Variants in ZNF844 observed in about 807,000 individuals in gnomAD.
ZNF844 encodes the protein zinc finger protein 844.
A neutral mutation model predicts 11.4 loss-of-function variants in ZNF844; 11 were observed. That is an observed-to-expected ratio of 0.97 (90% CI 0.61 to 1.60). The LOEUF (loss-of-function observed/expected upper bound fraction) is 1.60, where lower values mean the gene tolerates loss of function less well. Ranked by LOEUF, ZNF844 falls within the 40% of genes most tolerant of loss-of-function variation. The pLI, the probability that ZNF844 is intolerant of heterozygous loss-of-function variation, is 0.00. For missense variants in ZNF844, 790 were observed against 796.8 expected (o/e 0.99, Z 0.10); for synonymous variants, 248 against 260.3 (o/e 0.95, Z 0.46).
intron 1 of ZNF844, among the ~76,000 whole-genome samples, chr19:12,069,179 C>CTTTTTTTTTTT (rs748342323): frequency 8.3e-6 from 1 of 120,866 alleles, no homozygotes; most frequent in African/African-American, 3.4e-5. Context: ...TCTTTTATTC[C>CTTTTTTTTTTT]TTTTTTTTTT....
In ZNF844 at chr19:12,064,846, G is replaced by T; in HGVS notation, c.-28G>T. ...TGTCGTCTGTGTTGTGACTGCTTTGGACGTGGGAGTCACCTGAAAGCCAGG... is the reference window on the plus strand; with the variant it reads ...TGTCGTCTGTGTTGTGACTGCTTTGTACGTGGGAGTCACCTGAAAGCCAGG... On this transcript the variant is annotated 5_prime_UTR_variant, in exon 1 of 4. Transcript: ENST00000439326. 2 of 1,549,526 alleles carry T rather than the reference G, an allele frequency of 1.3e-6. No individual in the cohort carries two copies. Among genetic ancestry groups the T allele is most frequent in the Non-Finnish European group, 1.7e-6 (2 of 1,146,376 alleles).
chr19:12,067,368 T>C (rs890792861), intron 1 of ZNF844, among the ~76,000 whole-genome samples: 1 of 151,740 alleles, frequency 6.6e-6, no homozygotes, highest in Admixed American at 6.6e-5. Context: ...TCCCAGCGCT[T>C]TGGGAGGCCG....
At position 12,080,482 on chromosome 19, in the gene ZNF844, T is replaced by C. The variant is rs1224641117; in HGVS notation, c.*3361T>C. The C allele has an allele frequency of 7.8e-6, 2 of 257,376 alleles. No individual in the cohort carries two copies. Among genetic ancestry groups the C allele is most frequent in the Admixed American group, 1.1e-4 (2 of 18,196 alleles). 15.9% of individuals were successfully genotyped at this position (257,376 alleles called of 1,614,324 possible). On this transcript the variant is annotated 3_prime_UTR_variant, in exon 4 of 4. Coordinates refer to ENST00000439326, the MANE Select transcript of ZNF844 (RefSeq NM_001136501.3). ...AAGGCAGACAAGAGGAAGTCATCAGTCACATTTTAGAGGCACCAAACAGGT... is the reference window on the plus strand; with the variant it reads ...AAGGCAGACAAGAGGAAGTCATCAGCCACATTTTAGAGGCACCAAACAGGT...
rs1476902820 is a variant in ZNF844 at position 12,076,441 on chromosome 19, C to T, written c.1321C>T (p.Leu441Phe). 2 of 1,613,978 alleles carry T rather than the reference C, an allele frequency of 1.2e-6. No homozygotes were observed. The highest frequency in any genetic ancestry group is 1.7e-6 in the Non-Finnish European group (2 of 1,179,990). ...LPLPFDIMKG[L>F]TLERNRMSVS... Reference sequence around the variant, plus strand: ...ACTTCCTTTCGATATCATGAAAGGACTCACACTGGAGAGAAACCGTATGAG... The same window carrying T: ...ACTTCCTTTCGATATCATGAAAGGATTCACACTGGAGAGAAACCGTATGAG... Residue 441 changes from leucine to phenylalanine, a missense_variant, in exon 4 of 4, where the codon CTC (leucine) becomes TTC (phenylalanine). Physicochemically the swap from Leu to Phe is conservative, Grantham distance 22. Around this residue, in one of 3 missense-constraint regions of ZNF844, gnomAD observed 657 missense variants for 636.2 expected, o/e 1.03. Coordinates refer to ENST00000439326, the MANE Select transcript of ZNF844 (RefSeq NM_001136501.3).
Position 12,076,956 on chromosome 19 carries a change from C to A in ZNF844, c.1836C>A (p.Asn612Lys), listed in dbSNP as rs760868590. Residue 612 changes from asparagine to lysine, a missense_variant, in exon 4 of 4, where the codon AAC becomes AAA. Asn to Lys is a moderately conservative substitution (Grantham distance 94). Coordinates refer to ENST00000439326, the MANE Select transcript of ZNF844 (RefSeq NM_001136501.3). ...TGCAAGAACACACCCTGGAGAGAAA[C>A]CCTATGAATGTAAGGAATGCGGAAA... ...EYMQEHTLER[N>K]PMNVRNAEKR... 4 of 1,602,812 alleles carry A rather than the reference C, an allele frequency of 2.5e-6. No individual in the cohort carries two copies. Among genetic ancestry groups the A allele is most frequent in the Admixed American group, 1.7e-5 (1 of 58,960 alleles).
At chr19:12,073,776 G>A (rs753546764) in intron 1 of ZNF844, among the ~76,000 whole-genome samples, 23 of 152,112 alleles carry the variant, frequency 1.5e-4, no homozygotes, top group South Asian at 4.1e-4. Context: ...CCCAGGCAGC[G>A]CACCTTTCTC....
rs929724954 is a variant in ZNF844, at chr19:12,080,827, C to T, written c.*3706C>T. ...GGAGTAGAGTGGCATTATCCTGGCT[C>T]ATTGCAATCTGGGCCTCCTGGTTTC... On this transcript the variant is annotated 3_prime_UTR_variant, in exon 4 of 4. Coordinates refer to ENST00000439326, the MANE Select transcript of ZNF844 (RefSeq NM_001136501.3). 4 of 152,204 alleles carry T rather than the reference C, an allele frequency of 2.6e-5. No individual in the cohort carries two copies. The highest frequency in any genetic ancestry group is 4.4e-5 in the Non-Finnish European group (3 of 68,144). The allele number at this position is 152,204 out of a possible 1,614,324, so 9.4% of individuals were successfully genotyped here.
intron 1 of ZNF844, chr19:12,070,284 AAG>A (rs1179912035): frequency 6.6e-6 from 1 of 152,168 alleles, no homozygotes; most frequent in Non-Finnish European, 1.5e-5. Context: ...AAAACAAAAA[AAG>A]AAAGGATTTC....
At position 12,076,377 on chromosome 19, in the gene ZNF844, T is replaced by G; in HGVS notation, c.1257T>G (p.Pro419=). The G allele has an allele frequency of 6.2e-7, 1 of 1,610,362 alleles. No individual in the cohort carries two copies. Among genetic ancestry groups the G allele is most frequent in the East Asian group, 2.2e-5 (1 of 44,842 alleles). Residue 419 remains proline (P), a synonymous_variant, in exon 4 of 4, where the codon CCT becomes CCG. Coordinates refer to ENST00000439326, the MANE Select transcript of ZNF844 (RefSeq NM_001136501.3). The part of the protein sequence containing the change: ...IMKGLTLERN[P]MNVSSVVKPS... Reference sequence around the variant, plus strand: ...AAGGACTCACACTGGAGAGAAACCCTATGAATGTAAGCAGTGTAGTAAAGC... The same window carrying G: ...AAGGACTCACACTGGAGAGAAACCCGATGAATGTAAGCAGTGTAGTAAAGC...
In ZNF844 at chr19:12,074,068, C is replaced by T; in HGVS notation, c.41C>T (p.Thr14Ile). 1.2e-6 allele frequency: 2 copies of T among 1,613,644 alleles called. No individual in the cohort carries two copies. Among genetic ancestry groups the T allele is most frequent in the South Asian group, 2.2e-5 (2 of 91,086 alleles). ...TTCGAGGATGTGGCTGTGAACTTCA[C>T]CCAGGAGGAGTGGTCTTTGCTGGAT... is the stretch of plus-strand genomic sequence containing the variant. The part of the protein sequence containing the change: ...VAFEDVAVNF[T>I]QEEWSLLDPS... Residue 14 changes from threonine (T) to isoleucine (I), a missense_variant, in exon 2 of 4, where the codon ACC becomes ATC. Around this residue, in one of 3 missense-constraint regions of ZNF844, gnomAD observed 129 missense variants for 144.0 expected, o/e 0.90. Coordinates refer to ENST00000439326, the MANE Select transcript of ZNF844 (RefSeq NM_001136501.3).
chr19:12,076,886 A>AT lies in ZNF844; in HGVS notation c.1766_1767insT (p.Lys589AsnfsTer55). 6.4e-7 allele frequency: 1 copy of AT among 1,572,128 alleles called. No homozygotes were observed. The highest frequency in any genetic ancestry group is 8.6e-7 in the Non-Finnish European group (1 of 1,158,610). ...GAGGACAGAATGCCTATGAATGTAAAGAGTGTGACAAAGCATTCATATCTG... is the reference window on the plus strand; with the variant it reads ...GAGGACAGAATGCCTATGAATGTAAATGAGTGTGACAAAGCATTCATATCTG... On this transcript the variant is annotated frameshift_variant, in exon 4 of 4. Coordinates refer to ENST00000439326, the MANE Select transcript of ZNF844 (RefSeq NM_001136501.3). LOFTEE classifies it low-confidence loss of function (END_TRUNC).
In ZNF844 at chr19:12,075,273, TAAAC is replaced by T. The variant is rs1461359533; in HGVS notation, c.192-34_192-31del. 9 of 1,325,070 alleles carry T rather than the reference TAAAC, an allele frequency of 6.8e-6. No individual in the cohort carries two copies. The Admixed American group carries it at 1.1e-4, about 16-fold the overall frequency. The allele number at this position is 1,325,070 out of a possible 1,614,324, so 82.1% of individuals were successfully genotyped here. A position where few individuals can be genotyped will look rare whatever the true frequency, so the allele number is the denominator to read the frequency against. Reference sequence around the variant, plus strand: ...TTGTTAATAAACATCAAATCACTTATAAACAAACCTTCAATAATGTGTTTCTCAT... The same window carrying T: ...TTGTTAATAAACATCAAATCACTTATAAACCTTCAATAATGTGTTTCTCAT... On this transcript the variant is annotated intron_variant, in intron 3 of 3. Coordinates refer to ENST00000439326, the MANE Select transcript of ZNF844 (RefSeq NM_001136501.3).
rs1599403234 is a variant in ZNF844, at chr19:12,078,060, A to T, written c.*939A>T. On this transcript the variant is annotated 3_prime_UTR_variant, in exon 4 of 4. Coordinates refer to ENST00000439326, the MANE Select transcript of ZNF844 (RefSeq NM_001136501.3). ...TAGCCAGGATGGTCTCAATCTCCTG[A>T]CCTCGTGATCTGCCCGCCTCAGTCT... The T allele has an allele frequency of 6.2e-6, 1 of 160,350 alleles. No individual in the cohort carries two copies. Among genetic ancestry groups the T allele is most frequent in the African/African-American group, 2.4e-5 (1 of 41,326 alleles). 9.9% of individuals were successfully genotyped at this position (160,350 alleles called of 1,614,324 possible).
intron 1 of ZNF844, among the ~76,000 whole-genome samples, chr19:12,065,474 C>A (rs1049486367): frequency 2.0e-5 from 3 of 151,928 alleles, no homozygotes; most frequent in Non-Finnish European, 2.9e-5. Flanking sequence ...AGGGGTTCTT[C>A]CTGCCTGTGC....
At chr19:12,066,944 C>T (rs1975695770) in intron 1 of ZNF844, among the ~76,000 whole-genome samples, 1 of 152,012 alleles carries the variant, frequency 6.6e-6, no homozygotes, top group South Asian at 2.1e-4. Context: ...TCTTTGACTG[C>T]CATAATTTTT....
rs376725950 is a variant in ZNF844 at position 12,075,679 on chromosome 19, C to T, written c.559C>T (p.His187Tyr). The T allele has an allele frequency of 3.4e-5, 55 of 1,612,572 alleles. No individual in the cohort carries two copies. Among genetic ancestry groups the T allele is most frequent in the East Asian group, 2.2e-5 (1 of 44,886 alleles). The change falls in exon 4 of 4, where the codon CAC becomes TAC. Residue 187 changes from histidine (H) to tyrosine (Y), a missense_variant. His to Tyr is a moderately conservative substitution (Grantham distance 83, BLOSUM62 2). Transcript: ENST00000439326. ...CATATCCCATTCAAGCATTCAAAGA[C>T]ACATGATAATGCACAATGGAGATGG... ...TFISHSSIQR[H>Y]MIMHNGDGTY...
rs1195475814 is a variant in ZNF844 at position 12,077,588 on chromosome 19, T to C, written c.*467T>C. On this transcript the variant is annotated 3_prime_UTR_variant, in exon 4 of 4. Coordinates refer to ENST00000439326, the MANE Select transcript of ZNF844 (RefSeq NM_001136501.3). ...GTGGTAAAGCCTTCAGATCTGCCAC[T>C]CAACTTCAGATGCATAGAAAGATTC... The C allele has an allele frequency of 1.7e-6, 1 of 573,884 alleles. No individual in the cohort carries two copies. The highest frequency in any genetic ancestry group is 2.0e-5 in the Admixed American group (1 of 49,736). 35.5% of individuals were successfully genotyped at this position (573,884 alleles called of 1,614,324 possible). A position where few individuals can be genotyped will look rare whatever the true frequency, so the allele number is the denominator to read the frequency against.
In ZNF844 at chr19:12,080,232, C is replaced by G. The variant is rs1358135726; in HGVS notation, c.*3111C>G. 6.3e-5 allele frequency: 13 copies of G among 207,890 alleles called. No homozygotes were observed. In the South Asian group the frequency reaches 7.3e-4, roughly 12 times the overall value. 12.9% of individuals were successfully genotyped at this position (207,890 alleles called of 1,614,324 possible). On this transcript the variant is annotated 3_prime_UTR_variant, in exon 4 of 4. Coordinates refer to ENST00000439326, the MANE Select transcript of ZNF844 (RefSeq NM_001136501.3). ...GGGCGTGGTGGTGGGCGCCTGTAGT[C>G]CCAGCTACTCGGGAGGCTGAAGCAG...
chr19:12,071,897 T>C (rs1975757144), intron 1 of ZNF844, among the ~76,000 whole-genome samples: 5 of 150,808 alleles, frequency 3.3e-5, no homozygotes, highest in Admixed American at 2.0e-4. Flanking sequence ...TTTTTTTTTT[T>C]GTTTGTTTGA....
Sources: allele counts gnomAD v4.1 joint callset (sites outside exome capture counted in the v4.1 genomes callset), GRCh38; gene constraint gnomAD v4.1.1; regional missense constraint gnomAD v4.1.1; transcripts MANE v1.5; gene names NCBI Gene and HGNC (gene_info 2026-07-23, HGNC 2026-07-21).